IMMP2L: variants seen among roughly 807,000 people sequenced by gnomAD.
The protein encoded by IMMP2L is mitochondrial inner membrane protease subunit 2.
In IMMP2L, 18 loss-of-function variants were observed where a neutral mutation model predicts 19.3. That is an observed-to-expected ratio of 0.93 (90% confidence interval 0.64 to 1.38). The LOEUF (loss-of-function observed/expected upper bound fraction) is 1.38, where lower values mean the gene tolerates loss of function less well. Among genes scored for constraint, IMMP2L ranks in the 40% most tolerant of loss-of-function variants. IMMP2L has a pLI of 0.00. For missense variants in IMMP2L, 233 were observed against 218.2 expected (o/e 1.07, Z -0.43); for synonymous variants, 76 against 73.0 (o/e 1.04, Z -0.21).
chr7:111,016,636 T>C (rs1825616168), intron 3 of IMMP2L, among the ~76,000 whole-genome samples: 1 of 109,388 alleles, frequency 9.1e-6, no homozygotes, highest in Non-Finnish European at 1.6e-5. Context: ...ATATAATGCA[T>C]ATATATTATG....
At chr7:110,986,335 C>G (rs1057005932) in intron 3 of IMMP2L, among the ~76,000 whole-genome samples, 1 of 152,156 alleles carries the variant, frequency 6.6e-6, no homozygotes, top group Non-Finnish European at 1.5e-5. Flanking sequence ...GTGTTGTTCT[C>G]AGCTCTCGTG....
chr7:111,392,601 A>G (rs1370684659), intron 3 of IMMP2L, among the ~76,000 whole-genome samples: 4 of 152,132 alleles, frequency 2.6e-5, no homozygotes, highest in African/African-American at 7.2e-5. Flanking sequence ...TCGAAGTCCC[A>G]TAATTCAATT....
At chr7:110,844,233 G>C (rs931749990) in intron 5 of IMMP2L, among the ~76,000 whole-genome samples, 1 of 152,128 alleles carries the variant, frequency 6.6e-6, no homozygotes, top group African/African-American at 2.4e-5. Flanking sequence ...TAAGCTCAGA[G>C]TTTTCTTTCA....
At chr7:111,506,429 GC>G (rs1844911737) in intron 2 of IMMP2L, among the ~76,000 whole-genome samples, 2 of 150,850 alleles carry the variant, frequency 1.3e-5, no homozygotes, top group African/African-American at 4.9e-5. Context: ...TCTTTTTCTT[GC>G]CCTGTCCCCC....
intron 3 of IMMP2L, among the ~76,000 whole-genome samples, chr7:111,279,817 G>T (rs961087109): frequency 3.3e-5 from 5 of 152,092 alleles, no homozygotes; most frequent in African/African-American, 1.2e-4. Flanking sequence ...AAAGGATTTT[G>T]TCCATGATGC....
At chr7:111,369,754 GTTC>G (rs978400271) in intron 3 of IMMP2L, among the ~76,000 whole-genome samples, 6 of 151,936 alleles carry the variant, frequency 3.9e-5, no homozygotes, top group African/African-American at 1.4e-4. Context: ...ATGAGACTTT[GTTC>G]TTCTCATAAA....
chr7:111,368,273 A>G (rs1829969602), intron 3 of IMMP2L, among the ~76,000 whole-genome samples: 1 of 151,862 alleles, frequency 6.6e-6, no homozygotes, highest in African/African-American at 2.4e-5. Flanking sequence ...TTTCTCTACT[A>G]TGCAGTCCTG....
chr7:111,054,661 G>A (rs2129573624), intron 3 of IMMP2L, among the ~76,000 whole-genome samples: 1 of 152,280 alleles, frequency 6.6e-6, no homozygotes, highest in Admixed American at 6.5e-5. Flanking sequence ...TCTTCAGTAT[G>A]GAAAATATGG....
At chr7:111,164,385 G>A (rs1184794247) in intron 3 of IMMP2L, among the ~76,000 whole-genome samples, 1 of 152,008 alleles carries the variant, frequency 6.6e-6, no homozygotes, top group Non-Finnish European at 1.5e-5. Flanking sequence ...TAAGTGGATG[G>A]GACCCATTCA....
chr7:111,221,456 A>C (rs563980132), intron 3 of IMMP2L, among the ~76,000 whole-genome samples: 2 of 152,112 alleles, frequency 1.3e-5, no homozygotes, highest in African/African-American at 4.8e-5. Flanking sequence ...AACAAAAACT[A>C]CAGACTTCCT....
At chr7:111,457,591 A>G (rs1353973067) in intron 3 of IMMP2L, among the ~76,000 whole-genome samples, 1 of 151,730 alleles carries the variant, frequency 6.6e-6, no homozygotes, top group Non-Finnish European at 1.5e-5. Context: ...TGGCAAAACT[A>G]TATTTTTCTC....
intron 3 of IMMP2L, among the ~76,000 whole-genome samples, chr7:111,229,701 G>A (rs1294736507): frequency 6.6e-6 from 1 of 151,780 alleles, no homozygotes. Context: ...AAGAGAAAAG[G>A]AATTATCGTA....
chr7:111,053,102 G>A (rs4236594), intron 3 of IMMP2L, among the ~76,000 whole-genome samples: 137,595 of 152,254 alleles, frequency 0.9, 63,025 homozygotes, highest in East Asian at 0.99. Context: ...AAGTTTTAGA[G>A]TATGAATGAA....
chr7:110,751,380 T>C (rs1345344777), intron 5 of IMMP2L, among the ~76,000 whole-genome samples: 3 of 151,982 alleles, frequency 2.0e-5, no homozygotes, highest in Non-Finnish European at 4.4e-5. Flanking sequence ...GTTTTTTCCA[T>C]TGTCTAGATG....
intron 5 of IMMP2L, among the ~76,000 whole-genome samples, chr7:110,834,580 C>T (rs1161848702): frequency 1.3e-5 from 2 of 152,038 alleles, no homozygotes; most frequent in Non-Finnish European, 2.9e-5. Flanking sequence ...ATATACCTCA[C>T]CATTATACCA....
rs188167073 is a variant in IMMP2L, at chr7:111,285,335, C to A, written c.239+201903G>T. ...AAAAATAATCAGAAATCATCATTTA[C>A]AAAATAATTAGCAATGTTTCCTTGG... On this transcript the variant is annotated intron_variant, in intron 3 of 5. Coordinates refer to ENST00000405709, the MANE Select transcript of IMMP2L (RefSeq NM_032549.4). 2.1e-4 allele frequency among the ~76,000 whole-genome samples: 32 copies of A among 152,146 alleles called. No individual in the cohort carries two copies. In the East Asian group the frequency reaches 5.0e-3, roughly 24 times the overall value.
chr7:111,232,378 T>G (rs896156240), intron 3 of IMMP2L, among the ~76,000 whole-genome samples: 3 of 151,506 alleles, frequency 2.0e-5, no homozygotes, highest in South Asian at 2.1e-4. Context: ...GGAGGGTTTT[T>G]TTTTTTTTTT....
intron 3 of IMMP2L, among the ~76,000 whole-genome samples, chr7:111,142,404 T>C (rs1803033201): frequency 6.6e-6 from 1 of 151,202 alleles, no homozygotes; most frequent in South Asian, 2.1e-4. Context: ...AAGAAACCCA[T>C]GTATTATATA....
chr7:111,211,606 T>C (rs1284998912), intron 3 of IMMP2L, among the ~76,000 whole-genome samples: 1 of 152,170 alleles, frequency 6.6e-6, no homozygotes, highest in African/African-American at 2.4e-5. Context: ...AAAGCCATAC[T>C]GTGAAAAACT....
Sources: gnomAD v4.1 joint callset for allele counts (sites outside exome capture counted in the v4.1 genomes callset) on GRCh38, gnomAD v4.1.1 for gene constraint, MANE v1.5 for transcripts, NCBI Gene and HGNC (gene_info 2026-07-23, HGNC 2026-07-21) for gene names.